The following TMTC1 variants were observed in gnomAD, a reference collection of about 807,000 sequenced individuals.
The protein encoded by TMTC1 is transmembrane O-mannosyltransferase targeting cadherins 1, also known as protein O-mannosyl-transferase TMTC1.
A neutral mutation model predicts 104.8 loss-of-function variants in TMTC1; 73 were observed. That is an observed-to-expected ratio of 0.70 (90% CI 0.58 to 0.85). TMTC1 has a LOEUF of 0.85. Among genes scored for constraint, TMTC1 ranks in the 40% least tolerant of loss-of-function variants. The pLI is 0.00. For missense variants in TMTC1, 1,035 were observed against 1,096.1 expected, an observed-to-expected ratio of 0.94 and a Z score of 0.79; for synonymous variants, 434 against 428.7, an observed-to-expected ratio of 1.01 and a Z score of -0.15.
intron 8 of TMTC1, among the ~76,000 whole-genome samples, chr12:29,573,070 C>T (rs1334824242): frequency 2.6e-5 from 4 of 152,134 alleles, no homozygotes; most frequent in African/African-American, 9.7e-5. Context: ...TCTCGCTCCC[C>T]TCGCATCTAC....
At chr12:29,656,226 A>G (rs1939747437) in intron 5 of TMTC1, among the ~76,000 whole-genome samples, 1 of 151,760 alleles carries the variant, frequency 6.6e-6, no homozygotes. Flanking sequence ...ATTAGAGACC[A>G]TTTTCTAGGT....
rs1438838714 is a variant in TMTC1, at chr12:29,502,425, GT to G, written c.*4420del. ...GTGTGCCCAAAATAAAGATAGAGAT[GT>G]AGGCATAAACTCTATACCATGGACA... On this transcript the variant is annotated 3_prime_UTR_variant, in exon 18 of 18. Coordinates refer to ENST00000539277, the MANE Select transcript of TMTC1 (RefSeq NM_001193451.2). The G allele has an allele frequency of 6.6e-6, 1 of 151,494 alleles. No individual in the cohort carries two copies. Among genetic ancestry groups the G allele is most frequent in the East Asian group, 1.9e-4 (1 of 5,148 alleles). 9.4% of individuals were successfully genotyped at this position (151,494 alleles called of 1,614,324 possible). A position where few individuals can be genotyped will look rare whatever the true frequency, so the allele number is the denominator to read the frequency against.
In TMTC1 at chr12:29,660,489, A is replaced by G. The variant is rs74452014; in HGVS notation, c.939-27153T>C. On this transcript the variant is annotated intron_variant, in intron 5 of 17. Transcript: ENST00000539277. Reference sequence around the variant, plus strand: ...GGGGTGGTTTGTTATGCAGCAATAGACAACTGATACAGCCAGGATTGCACT... The same window carrying G: ...GGGGTGGTTTGTTATGCAGCAATAGGCAACTGATACAGCCAGGATTGCACT... Among the ~76,000 whole-genome samples, 897 of 152,278 alleles carry G rather than the reference A, an allele frequency of 5.9e-3. 11 individuals are homozygous for G. Among genetic ancestry groups the G allele is most frequent in the African/African-American group, 0.02 (835 of 41,558 alleles).
intron 5 of TMTC1, among the ~76,000 whole-genome samples, chr12:29,674,314 C>T (rs1170846219): frequency 1.1e-5 from 1 of 87,510 alleles, no homozygotes; most frequent in Non-Finnish European, 2.3e-5. Flanking sequence ...TGTCTCACCA[C>T]AGTGCCCAGC....
intron 5 of TMTC1, among the ~76,000 whole-genome samples, chr12:29,720,261 C>G (rs182351502): frequency 1.3e-5 from 2 of 152,224 alleles, no homozygotes; most frequent in African/African-American, 2.4e-5. Flanking sequence ...ATTCTCCAAG[C>G]TAGATCCCTG....
upstream of TMTC1, chr12:29,783,996 T>G (rs1943902048): frequency 1.7e-5 from 3 of 179,660 alleles, no homozygotes; most frequent in African/African-American, 2.4e-5. The surrounding 1 kb of genome is among the most constrained non-coding windows in gnomAD (Gnocchi z 4.7). Context: ...CCACTGCGCA[T>G]GCCCGCTCGC....
intron 9 of TMTC1, among the ~76,000 whole-genome samples, chr12:29,557,638 C>T (rs899987065): frequency 6.6e-6 from 1 of 152,082 alleles, no homozygotes; most frequent in African/African-American, 2.4e-5. Flanking sequence ...TTAGGAGAGA[C>T]TGGGTTTCGC....
intron 7 of TMTC1, among the ~76,000 whole-genome samples, chr12:29,597,529 C>T (rs921566853): frequency 1.3e-5 from 2 of 151,900 alleles, no homozygotes; most frequent in African/African-American, 4.8e-5. Flanking sequence ...GATGGACTTC[C>T]TCCCTTTCCT....
chr12:29,647,330 T>C (rs1046568517), intron 5 of TMTC1, among the ~76,000 whole-genome samples: 1 of 152,190 alleles, frequency 6.6e-6, no homozygotes, highest in African/African-American at 2.4e-5. Context: ...CCAAAAAACA[T>C]GTTTTAAGAG....
At chr12:29,767,621 A>G (rs1011795637) in intron 2 of TMTC1, among the ~76,000 whole-genome samples, 15 of 152,346 alleles carry the variant, frequency 9.8e-5, no homozygotes, top group African/African-American at 3.6e-4. Flanking sequence ...AAGCAGTTAA[A>G]TCCAGGAGGT....
chr12:29,759,437 C>T (rs2350664), intron 2 of TMTC1, among the ~76,000 whole-genome samples: 10,157 of 152,182 alleles, frequency 0.067, 403 homozygotes, highest in South Asian at 0.13. Flanking sequence ...GTCAATGCTG[C>T]AGTGAGCTGT....
chr12:29,706,492 A>G (rs1941748087), intron 5 of TMTC1, among the ~76,000 whole-genome samples: 1 of 152,150 alleles, frequency 6.6e-6, no homozygotes, highest in Non-Finnish European at 1.5e-5. Context: ...CCACAATGCT[A>G]ATGAGGTAGT....
In TMTC1 at chr12:29,530,946, C is replaced by G. The variant is rs1944485884; in HGVS notation, c.1785+5263G>C. Among the ~76,000 whole-genome samples the G allele has an allele frequency of 2.6e-5, 4 of 152,132 alleles. No homozygotes were observed. In the South Asian group the frequency reaches 8.3e-4, roughly 32 times the overall value. On this transcript the variant is annotated intron_variant, in intron 11 of 17. Transcript: ENST00000539277. The stretch of plus-strand genomic sequence containing the variant: ...CTTTAGATATCAGATTAAAGGTAAC[C>G]CTTTGGCAACCATCCCCACTACCCA...
intron 5 of TMTC1, among the ~76,000 whole-genome samples, chr12:29,706,254 T>C (rs761295406): frequency 1.3e-5 from 2 of 152,180 alleles, no homozygotes; most frequent in Non-Finnish European, 2.9e-5. Flanking sequence ...GACCCAGCTA[T>C]GCAGGAAGAG....
At chr12:29,588,567 A>G (rs1400561722) in intron 7 of TMTC1, among the ~76,000 whole-genome samples, 1 of 152,246 alleles carries the variant, frequency 6.6e-6, no homozygotes, top group Non-Finnish European at 1.5e-5. Context: ...TATCAAGAAC[A>G]TATCAGTGAA....
intron 3 of TMTC1, among the ~76,000 whole-genome samples, chr12:29,756,676 C>T (rs1943222872): frequency 6.6e-6 from 1 of 152,126 alleles, no homozygotes; most frequent in Non-Finnish European, 1.5e-5. Flanking sequence ...ACAGAGCGGG[C>T]CCCCTACCAA....
chr12:29,580,465 T>A (rs1195574709), intron 8 of TMTC1, among the ~76,000 whole-genome samples: 1 of 152,198 alleles, frequency 6.6e-6, no homozygotes, highest in Admixed American at 6.5e-5. Flanking sequence ...AAATTTGTAC[T>A]TTCTCCAACA....
intron 10 of TMTC1, among the ~76,000 whole-genome samples, chr12:29,554,675 C>T (rs2136250881): frequency 6.6e-6 from 1 of 152,070 alleles, no homozygotes; most frequent in East Asian, 1.9e-4. Context: ...TTGAGACCGG[C>T]CTGGGTGACA....
chr12:29,515,649 G>A (rs777409204), intron 15 of TMTC1, among the ~76,000 whole-genome samples: 21 of 152,090 alleles, frequency 1.4e-4, no homozygotes, highest in South Asian at 4.2e-4. Context: ...GAGAGGTAGC[G>A]CTTCATGATA....
Sources: gnomAD v4.1 joint callset for allele counts (sites outside exome capture counted in the v4.1 genomes callset) on GRCh38, gnomAD v4.1.1 for gene constraint, Gnocchi (gnomAD v3.1) non-coding constraint, MANE v1.5 for transcripts, NCBI Gene and HGNC (gene_info 2026-07-23, HGNC 2026-07-21) for gene names.